Variants in SDK2 observed in about 807,000 individuals in gnomAD.
SDK2 encodes the protein sidekick cell adhesion molecule 2.
In SDK2, 105 loss-of-function variants were observed where a neutral mutation model predicts 253.9. The observed-to-expected ratio is 0.41, with a 90% CI of 0.35 to 0.49. The LOEUF is 0.49. Among genes scored for constraint, SDK2 ranks in the 20% least tolerant of loss-of-function variants. The pLI is 0.06. For synonymous variants in SDK2, 1,249 were observed against 1,234.9 expected (o/e 1.01, Z -0.24); for missense variants, 2,608 against 3,003.0 (o/e 0.87, Z 3.07).
At chr17:73,468,848 G>A (rs2063623110) in intron 3 of SDK2, among the ~76,000 whole-genome samples, 1 of 150,348 alleles carries the variant, frequency 6.7e-6, no homozygotes, top group South Asian at 2.1e-4. Flanking sequence ...TTTTTGAGAT[G>A]GAGTCTCACT....
At chr17:73,605,738 C>A (rs2045899162) in intron 1 of SDK2, among the ~76,000 whole-genome samples, 1 of 152,168 alleles carries the variant, frequency 6.6e-6, no homozygotes, top group Non-Finnish European at 1.5e-5. Context: ...TTGGGTTCCT[C>A]ACTAACTATG....
chr17:73,448,905 C>T (rs1234443969), intron 4 of SDK2, among the ~76,000 whole-genome samples: 1 of 152,144 alleles, frequency 6.6e-6, no homozygotes, highest in Non-Finnish European at 1.5e-5. Context: ...AAGTGATCTG[C>T]CTGCCTTGGC....
At chr17:73,479,748 T>C (rs1035518356) in intron 2 of SDK2, among the ~76,000 whole-genome samples, 4 of 152,254 alleles carry the variant, frequency 2.6e-5, no homozygotes, top group African/African-American at 9.6e-5. Flanking sequence ...TGGAGTGCAA[T>C]GGCACAATCT....
In SDK2 at chr17:73,511,466, G is replaced by T. The variant is rs977758437; in HGVS notation, c.65-3869C>A. Among the ~76,000 whole-genome samples, 1 of 152,204 alleles carries T rather than the reference G, an allele frequency of 6.6e-6. No homozygotes were observed. Among genetic ancestry groups the T allele is most frequent in the Non-Finnish European group, 1.5e-5 (1 of 68,040 alleles). On this transcript the variant is annotated intron_variant, in intron 1 of 44. Transcript: ENST00000392650. The surrounding 1 kb of genome is among the most constrained non-coding windows in gnomAD (Gnocchi z 4.9). The stretch of plus-strand genomic sequence containing the variant: ...GTTCATTCTTCAAGCCCTCCCGGGG[G>T]TGCCAGCCTGCAGCAGAATGACTTT...
rs532778271 is a variant in SDK2 at position 73,616,032 on chromosome 17, T to C, written c.64+27993A>G. Among the ~76,000 whole-genome samples the C allele has an allele frequency of 4.3e-4, 66 of 152,156 alleles. No homozygotes were observed. The highest frequency in any genetic ancestry group is 1.5e-3 in the African/African-American group (63 of 41,484). ...ATGTAGACACATATGCATATACACA[T>C]GAACACACATACACACACGTACACA... On this transcript the variant is annotated intron_variant, in intron 1 of 44. Transcript: ENST00000392650. The surrounding 1 kb of genome is among the most constrained non-coding windows in gnomAD (Gnocchi z 5.2).
At chr17:73,409,652 A>T (rs901199053) in intron 18 of SDK2, among the ~76,000 whole-genome samples, 6 of 152,096 alleles carry the variant, frequency 3.9e-5, no homozygotes, top group African/African-American at 1.4e-4. Context: ...AGAAAAAAAA[A>T]ACACAAAAGG....
At chr17:73,491,917 G>C (rs2063808936) in intron 2 of SDK2, among the ~76,000 whole-genome samples, 1 of 152,192 alleles carries the variant, frequency 6.6e-6, no homozygotes, top group Non-Finnish European at 1.5e-5. Flanking sequence ...GGCCAGGAGG[G>C]GACTGAGGAG....
rs766966307 is a variant in SDK2 at position 73,383,891 on chromosome 17, A to G, written c.4690T>C (p.Trp1564Arg). ...TGTCACTCACAGGTAAGCTCAGCCCATGTGGCCCCTGGGTTGTTGATGCCT... is the reference window on the plus strand; with the variant it reads ...TGTCACTCACAGGTAAGCTCAGCCCGTGTGGCCCCTGGGTTGTTGATGCCT... ...LRGINNPGATWAELTSMYSMR... is the reference protein window; with the variant it reads ...LRGINNPGATRAELTSMYSMR... The change falls in exon 33 of 45, where the codon TGG becomes CGG. Residue 1564 changes from tryptophan (W) to arginine (R), a missense_variant. Physicochemically the swap from Trp to Arg is moderately radical, Grantham distance 101. This residue lies in a region of SDK2 where 1,103 missense variants were observed against 1,143.9 expected (regional missense o/e 0.96). Transcript: ENST00000392650. The surrounding 1 kb of genome is among the most constrained non-coding windows in gnomAD (Gnocchi z 4.3). The G allele has an allele frequency of 6.2e-7, 1 of 1,613,966 alleles. No individual in the cohort carries two copies. The highest frequency in any genetic ancestry group is 1.1e-5 in the South Asian group (1 of 91,080).
intron 1 of SDK2, among the ~76,000 whole-genome samples, chr17:73,516,014 G>A (rs1440180272): frequency 6.6e-6 from 1 of 152,176 alleles, no homozygotes; most frequent in Non-Finnish European, 1.5e-5. Context: ...GGAAAGAGGG[G>A]CAGGGGCTGT....
At chr17:73,469,710 G>A (rs1023395834) in intron 3 of SDK2, among the ~76,000 whole-genome samples, 2 of 152,150 alleles carry the variant, frequency 1.3e-5, no homozygotes, top group South Asian at 4.1e-4. Context: ...GAAGGAGTTT[G>A]CCTAAGGAGG....
rs150269628 is a variant in SDK2, at chr17:73,400,575, G to A, written c.2971+445C>T. The stretch of plus-strand genomic sequence containing the variant: ...TCCCAGGGATTCCGCCTGCTCTGAG[G>A]GGACCCAGACCCACACAGCACAAGG... On this transcript the variant is annotated intron_variant, in intron 21 of 44. Transcript: ENST00000392650. Among the ~76,000 whole-genome samples, 668 of 152,264 alleles carry A rather than the reference G, an allele frequency of 4.4e-3. 1 individual carries two copies. Among genetic ancestry groups the A allele is most frequent in the Non-Finnish European group, 7.9e-3 (535 of 68,024 alleles).
intron 27 of SDK2, among the ~76,000 whole-genome samples, chr17:73,391,852 T>C (rs917010962): frequency 3.3e-5 from 5 of 152,196 alleles, no homozygotes; most frequent in Admixed American, 2.6e-4. Flanking sequence ...GGGCCCTGGA[T>C]GGATGCGTCA....
chr17:73,399,120 C>T (rs769249180), intron 22 of SDK2, 48 bp downstream of exon 22: 22 of 1,603,892 alleles, frequency 1.4e-5, no homozygotes, highest in Non-Finnish European at 4.3e-6. Flanking sequence ...CTCAAGGGCA[C>T]GGGGTGCCCT....
At chr17:73,555,727 A>T (rs1242193646) in intron 1 of SDK2, among the ~76,000 whole-genome samples, 1 of 152,240 alleles carries the variant, frequency 6.6e-6, no homozygotes, top group African/African-American at 2.4e-5. Context: ...TAAGCAGCAG[A>T]TGTCGGCGGA....
At chr17:73,427,984 G>T (rs2063296530) in intron 12 of SDK2, among the ~76,000 whole-genome samples, 1 of 152,064 alleles carries the variant, frequency 6.6e-6, no homozygotes, top group Admixed American at 6.6e-5. Context: ...AATCTACAAA[G>T]AACTCTTAAA....
Position 73,401,649 on chromosome 17 carries a change from C to A in SDK2, c.2779+5G>T. On this transcript the variant is annotated splice_donor_5th_base_variant and intron_variant, in intron 20 of 44. Coordinates refer to ENST00000392650, the MANE Select transcript of SDK2 (RefSeq NM_001144952.2). ...CCTCTGGTTCAGAAACACTGCAGTGCCTACCTGTGAGGATGCCATTTTTCT... is the reference window on the plus strand; with the variant it reads ...CCTCTGGTTCAGAAACACTGCAGTGACTACCTGTGAGGATGCCATTTTTCT... 1 of 1,580,842 alleles carries A rather than the reference C, an allele frequency of 6.3e-7. No homozygotes were observed. The highest frequency in any genetic ancestry group is 8.6e-7 in the Non-Finnish European group (1 of 1,161,528).
intron 1 of SDK2, among the ~76,000 whole-genome samples, chr17:73,576,453 T>C (rs2045460097): frequency 6.6e-6 from 1 of 152,004 alleles, no homozygotes; most frequent in Non-Finnish European, 1.5e-5. Flanking sequence ...AGCAGTAAAA[T>C]GGCAGAAGCA....
chr17:73,419,384 T>C (rs2063209548), intron 15 of SDK2, 78 bp from the exon 16 acceptor site: 2 of 1,481,342 alleles, frequency 1.4e-6, no homozygotes, highest in Non-Finnish European at 1.8e-6. Flanking sequence ...GGCTGAACCC[T>C]GGCCTGCTCT....
intron 3 of SDK2, among the ~76,000 whole-genome samples, chr17:73,471,278 CAGG>C (rs2063648800): frequency 6.6e-6 from 1 of 152,144 alleles, no homozygotes; most frequent in African/African-American, 2.4e-5. Flanking sequence ...GTTATCACTC[CAGG>C]GTTGAGCGAG....
Sources: gnomAD v4.1 joint callset for allele counts (sites outside exome capture counted in the v4.1 genomes callset) on GRCh38, gnomAD v4.1.1 for gene constraint, gnomAD v4.1.1 regional missense constraint, Gnocchi (gnomAD v3.1) non-coding constraint, MANE v1.5 for transcripts, NCBI Gene and HGNC (gene_info 2026-07-23, HGNC 2026-07-21) for gene names.